Variants in SRFBP1 observed in about 807,000 individuals in gnomAD.
SRFBP1 encodes serum response factor-binding protein 1.
A neutral mutation model predicts 45.5 loss-of-function variants in SRFBP1; 47 were observed. That is an observed-to-expected ratio of 1.03 (90% CI 0.82 to 1.32). SRFBP1 has a LOEUF of 1.32. SRFBP1 is among the 40% of genes most tolerant of loss of function. The pLI, the probability that SRFBP1 is intolerant of heterozygous loss-of-function variation, is 0.00. For missense variants in SRFBP1, 621 were observed against 484.6 expected, an observed-to-expected ratio of 1.28 and a Z score of -2.64; for synonymous variants, 203 against 166.3, an observed-to-expected ratio of 1.22 and a Z score of -1.70.
rs929744849 is a variant in SRFBP1, at chr5:122,027,964, T to A, written c.*838T>A. On this transcript the variant is annotated 3_prime_UTR_variant, in exon 8 of 8. Transcript: ENST00000339397. The stretch of plus-strand genomic sequence containing the variant: ...AGTTTTTACTATACTTATTTTAAAA[T>A]TTTTGAGGAATCATAGATTCTAATT... 2.6e-5 allele frequency: 4 copies of A among 152,178 alleles called. No individual in the cohort carries two copies. Among genetic ancestry groups the A allele is most frequent in the Non-Finnish European group, 5.9e-5 (4 of 68,028 alleles). 9.4% of individuals were successfully genotyped at this position (152,178 alleles called of 1,614,324 possible).
chr5:122,010,660 T>C (rs1372357320), intron 4 of SRFBP1, among the ~76,000 whole-genome samples: 2 of 152,118 alleles, frequency 1.3e-5, no homozygotes, highest in Non-Finnish European at 2.9e-5. Flanking sequence ...CTCACAGTAA[T>C]GTTCACATAT....
intron 2 of SRFBP1, among the ~76,000 whole-genome samples, chr5:122,058,303 G>C (rs1754117089): frequency 1.3e-5 from 2 of 152,108 alleles, no homozygotes; most frequent in South Asian, 4.1e-4. Flanking sequence ...CTTTTGAAAA[G>C]TACAGTTTTT....
At chr5:121,978,895 G>T (rs1752356274) in intron 3 of SRFBP1, among the ~76,000 whole-genome samples, 1 of 152,094 alleles carries the variant, frequency 6.6e-6, no homozygotes, top group Non-Finnish European at 1.5e-5. Flanking sequence ...TTGAGACCTT[G>T]TTCTGCCTGC....
intron 2 of SRFBP1, among the ~76,000 whole-genome samples, chr5:122,062,234 T>C (rs1260525064): frequency 1.3e-5 from 2 of 151,958 alleles, no homozygotes; most frequent in African/African-American, 4.8e-5. Context: ...AGGAAATCAA[T>C]ATTGTCCTAA....
At chr5:122,071,782 A>C (rs1297604057) in intron 2 of SRFBP1, among the ~76,000 whole-genome samples, 1 of 152,198 alleles carries the variant, frequency 6.6e-6, no homozygotes, top group Non-Finnish European at 1.5e-5. Flanking sequence ...CACTTTGGTC[A>C]CCCAAGAGAC....
rs1242226993 is a variant in SRFBP1, at chr5:121,996,118, A to G, written c.270+1448A>G. ...AACTGGTACCATTCCTTCTGAAACT[A>G]TTCCAATCAATAGAAAAAGAGGGAA... On this transcript the variant is annotated intron_variant, in intron 4 of 7. Coordinates refer to ENST00000339397, the MANE Select transcript of SRFBP1 (RefSeq NM_152546.3). 8.8e-5 allele frequency among the ~76,000 whole-genome samples: 13 copies of G among 148,432 alleles called. No individual in the cohort carries two copies. The East Asian group carries it at 2.4e-3, about 28-fold the overall frequency.
chr5:122,055,632 T>C (rs2152579574), intron 2 of SRFBP1, among the ~76,000 whole-genome samples: 1 of 152,318 alleles, frequency 6.6e-6, no homozygotes, highest in African/African-American at 2.4e-5. Flanking sequence ...AAAAAAGACA[T>C]ATTTAGTAAA....
chr5:122,016,665 A>G (rs1753199587), intron 4 of SRFBP1, among the ~76,000 whole-genome samples: 1 of 152,204 alleles, frequency 6.6e-6, no homozygotes, highest in Admixed American at 6.5e-5. Flanking sequence ...CTATGCCTTC[A>G]GCAGCTCAGC....
At chr5:122,053,275 C>A (rs1754021130) in intron 2 of SRFBP1, among the ~76,000 whole-genome samples, 1 of 152,086 alleles carries the variant, frequency 6.6e-6, no homozygotes, top group African/African-American at 2.4e-5. Flanking sequence ...GATGGAGTTG[C>A]CTGCCTTGCC....
At chr5:122,048,922 T>C (rs904633425) in intron 2 of SRFBP1, among the ~76,000 whole-genome samples, 1 of 152,196 alleles carries the variant, frequency 6.6e-6, no homozygotes, top group Non-Finnish European at 1.5e-5. Context: ...TGCATCTATT[T>C]GATTCTTCTC....
chr5:121,995,734 T>A (rs1438193894), intron 4 of SRFBP1, among the ~76,000 whole-genome samples: 1 of 152,042 alleles, frequency 6.6e-6, no homozygotes, highest in South Asian at 2.1e-4. Context: ...GCTGGTTTTT[T>A]GAAAGGATCA....
intron 4 of SRFBP1, among the ~76,000 whole-genome samples, chr5:122,013,536 C>T (rs1010045951): frequency 1.3e-5 from 2 of 151,878 alleles, no homozygotes; most frequent in African/African-American, 2.4e-5. Flanking sequence ...ATTGCAAATA[C>T]GTGTGAAAGG....
intron 3 of SRFBP1, among the ~76,000 whole-genome samples, chr5:121,989,358 G>A (rs901368669): frequency 6.6e-6 from 1 of 152,096 alleles, no homozygotes; most frequent in Non-Finnish European, 1.5e-5. Flanking sequence ...GAGCCACCGA[G>A]CCCTGCCTGG....
In SRFBP1 at chr5:122,069,567, A is replaced by G. The variant is rs547885430; in HGVS notation, n.312-5748A>G. On this transcript the variant is annotated intron_variant and non_coding_transcript_variant, in intron 2 of 2. Transcript: ENST00000504881. ...TTTGCAGAGTATTTTCCTAGTATCAATGGTTCTAGAACTCAAATATATGAC... is the reference window on the plus strand; with the variant it reads ...TTTGCAGAGTATTTTCCTAGTATCAGTGGTTCTAGAACTCAAATATATGAC... Among the ~76,000 whole-genome samples, 6 of 152,234 alleles carry G rather than the reference A, an allele frequency of 3.9e-5. No individual in the cohort carries two copies. The South Asian group carries it at 1.2e-3, about 32-fold the overall frequency.
intron 2 of SRFBP1, among the ~76,000 whole-genome samples, chr5:122,046,886 TG>T (rs1185272602): frequency 6.6e-6 from 1 of 152,238 alleles, no homozygotes; most frequent in African/African-American, 2.4e-5. Flanking sequence ...CACTTTTTGA[TG>T]GGGCTGTTTG....
At chr5:121,986,946 G>A (rs1484195426) in intron 3 of SRFBP1, among the ~76,000 whole-genome samples, 1 of 152,098 alleles carries the variant, frequency 6.6e-6, no homozygotes, top group Non-Finnish European at 1.5e-5. Flanking sequence ...AAACATGGAA[G>A]TGCATTATTA....
At chr5:122,061,209 T>A (rs1172480379) in intron 2 of SRFBP1, among the ~76,000 whole-genome samples, 1 of 151,816 alleles carries the variant, frequency 6.6e-6, no homozygotes, top group Non-Finnish European at 1.5e-5. Context: ...ATTATTTGAT[T>A]CATTTTTTTC....
At chr5:122,002,082 T>C (rs1277505244) in intron 4 of SRFBP1, among the ~76,000 whole-genome samples, 2 of 152,196 alleles carry the variant, frequency 1.3e-5, no homozygotes, top group African/African-American at 4.8e-5. Flanking sequence ...GCTTATAGTT[T>C]TCACTAAAGT....
At chr5:121,999,178 T>C (rs969637029) in intron 4 of SRFBP1, among the ~76,000 whole-genome samples, 34 of 152,194 alleles carry the variant, frequency 2.2e-4, no homozygotes, top group African/African-American at 8.0e-4. Context: ...TGCTGTATTT[T>C]CTTTTCTTAG....
Sources: allele counts gnomAD v4.1 joint callset (sites outside exome capture counted in the v4.1 genomes callset), GRCh38; gene constraint gnomAD v4.1.1; transcripts MANE v1.5; gene names NCBI Gene and HGNC (gene_info 2026-07-23, HGNC 2026-07-21).